The following PARD3 variants were observed in gnomAD, a reference collection of about 807,000 sequenced individuals.
PARD3 encodes par-3 family cell polarity regulator.
Under a neutral mutation model 155.4 loss-of-function variants are expected in PARD3, and 75 were observed. The observed-to-expected ratio is 0.48, with a 90% CI of 0.40 to 0.58. The LOEUF (loss-of-function observed/expected upper bound fraction) is 0.58, where lower values mean the gene tolerates loss of function less well. PARD3 is among the 20% of genes least tolerant of loss of function. The probability of loss-of-function intolerance (pLI) is 0.00; values close to 1 mark genes in which losing one functional copy is unlikely to be tolerated. For synonymous variants in PARD3, 576 were observed against 610.5 expected (o/e 0.94, Z 0.83); for missense variants, 1,642 against 1,721.7 (o/e 0.95, Z 0.82).
chr10:34,463,277 G>A (rs1442864267), intron 4 of PARD3, among the ~76,000 whole-genome samples: 10 of 121,548 alleles, frequency 8.2e-5, no homozygotes, highest in Non-Finnish European at 1.4e-4. Flanking sequence ...GGGGGAAGAG[G>A]AAGGGGAACA....
intron 2 of PARD3, among the ~76,000 whole-genome samples, chr10:34,651,975 G>C (rs763085334): frequency 8.5e-5 from 13 of 152,130 alleles, no homozygotes; most frequent in Non-Finnish European, 1.6e-4. Flanking sequence ...ATCTGTTCTT[G>C]CTTAACAAGC....
chr10:34,563,912 C>A (rs1471012759), intron 2 of PARD3, among the ~76,000 whole-genome samples: 3 of 152,136 alleles, frequency 2.0e-5, no homozygotes, highest in African/African-American at 7.2e-5. Flanking sequence ...TATATATAAT[C>A]TTTTCATAGA....
chr10:34,661,804 G>A (rs1315917911), intron 2 of PARD3, among the ~76,000 whole-genome samples: 2 of 152,208 alleles, frequency 1.3e-5, no homozygotes, highest in African/African-American at 4.8e-5. Context: ...GACAGTAAAT[G>A]AGATAAGAGG....
rs1270792576 is a variant in PARD3, at chr10:34,374,873, C to T, written c.1668+1G>A. 1 of 1,613,704 alleles carries T rather than the reference C, an allele frequency of 6.2e-7. No homozygotes were observed. Among genetic ancestry groups the T allele is most frequent in the Non-Finnish European group, 8.5e-7 (1 of 1,179,828 alleles). ...CTTTCATCTACTCTAAATTTACACA[C>T]CAGTTCCCTTGGGTGGAAGGCGTCT... On this transcript the variant is annotated splice_donor_variant, in intron 11 of 24. Transcript: ENST00000374788. LOFTEE classifies it high-confidence loss of function.
At chr10:34,777,528 T>C (rs903542599) in intron 1 of PARD3, among the ~76,000 whole-genome samples, 2 of 152,102 alleles carry the variant, frequency 1.3e-5, no homozygotes, top group African/African-American at 4.8e-5. Flanking sequence ...AGATGCTCAT[T>C]AGACATTTGG....
Position 34,814,907 on chromosome 10 carries a change from G to A in PARD3, c.89C>T (p.Ala30Val). 2.0e-6 allele frequency: 3 copies of A among 1,532,338 alleles called. No individual in the cohort carries two copies. The highest frequency in any genetic ancestry group is 1.8e-6 in the Non-Finnish European group (2 of 1,138,182). The allele number at this position is 1,532,338 out of a possible 1,614,324, so 94.9% of individuals were successfully genotyped here. Residue 30 changes from alanine to valine, a missense_variant, in exon 1 of 25, where the codon GCG (alanine) becomes GTG (valine). Ala to Val is a moderately conservative substitution (Grantham distance 64, BLOSUM62 0). Coordinates refer to ENST00000374788, the MANE Select transcript of PARD3 (RefSeq NM_001184785.2). ...HMKVFSLIQQ[A>V]VTRYRKAIAK... ...GATGGCCTTCCGGTAGCGGGTCACCGCCTGCTGGATGAGGCTGAAAACTTT... is the reference window on the plus strand; with the variant it reads ...GATGGCCTTCCGGTAGCGGGTCACCACCTGCTGGATGAGGCTGAAAACTTT...
intron 1 of PARD3, among the ~76,000 whole-genome samples, chr10:34,803,070 G>GAA (rs34342941): frequency 0.36 from 36,535 of 102,248 alleles, 6,209 homozygotes; most frequent in African/African-American, 0.5. Context: ...TACTAAAAAT[G>GAA]AAAAAAAAAA....
chr10:34,409,815 A>C lies in PARD3; in HGVS notation c.715-7898T>G, dbSNP rs547051715. 8.5e-4 allele frequency among the ~76,000 whole-genome samples: 130 copies of C among 152,362 alleles called. 1 individual carries two copies. Among genetic ancestry groups the C allele is most frequent in the Middle Eastern group, 3.4e-3 (1 of 294 alleles). On this transcript the variant is annotated intron_variant, in intron 5 of 24. Transcript: ENST00000374788. ...TGTTGCATTGTCCTTAATTCCCAGT[A>C]TATGATACAAATGTGAAACAAAAAT...
intron 2 of PARD3, among the ~76,000 whole-genome samples, chr10:34,674,916 A>T (rs562444725): frequency 6.6e-6 from 1 of 152,290 alleles, no homozygotes; most frequent in African/African-American, 2.4e-5. Flanking sequence ...GACACAGAAA[A>T]CTATAAAACA....
At chr10:34,643,636 T>C (rs1188122117) in intron 2 of PARD3, among the ~76,000 whole-genome samples, 1 of 152,210 alleles carries the variant, frequency 6.6e-6, no homozygotes, top group African/African-American at 2.4e-5. Context: ...AATAAAATTA[T>C]AGGTCAGGTG....
intron 3 of PARD3, among the ~76,000 whole-genome samples, chr10:34,483,311 G>T (rs1252877418): frequency 6.6e-6 from 1 of 151,888 alleles, no homozygotes; most frequent in East Asian, 1.9e-4. Flanking sequence ...GTGAGACCTC[G>T]TCTCTACAAA....
At chr10:34,592,636 C>T (rs1272850255) in intron 2 of PARD3, among the ~76,000 whole-genome samples, 4 of 152,002 alleles carry the variant, frequency 2.6e-5, no homozygotes, top group Admixed American at 2.0e-4. Context: ...ATTAGCCGAG[C>T]GTGGTGGCAC....
intron 2 of PARD3, among the ~76,000 whole-genome samples, chr10:34,546,932 G>GA (rs1302600751): frequency 6.6e-6 from 1 of 152,184 alleles, no homozygotes; most frequent in Non-Finnish European, 1.5e-5. Flanking sequence ...GAAATAATCT[G>GA]AAAAGACAAG....
chr10:34,478,154 A>C (rs1476452510), intron 3 of PARD3, among the ~76,000 whole-genome samples: 2 of 152,246 alleles, frequency 1.3e-5, no homozygotes, highest in African/African-American at 4.8e-5. Context: ...TCACCTTGTT[A>C]TTAAATTTTT....
intron 1 of PARD3, among the ~76,000 whole-genome samples, chr10:34,778,425 G>C (rs1839859532): frequency 6.6e-6 from 1 of 152,194 alleles, no homozygotes; most frequent in Non-Finnish European, 1.5e-5. Flanking sequence ...TAAGAACTGA[G>C]CATCATGAAT....
chr10:34,716,759 A>G (rs1363108035), intron 1 of PARD3, among the ~76,000 whole-genome samples: 2 of 151,214 alleles, frequency 1.3e-5, no homozygotes, highest in Non-Finnish European at 2.9e-5. Context: ...CCCCCGGCTA[A>G]TTTTGTATTT....
chr10:34,654,817 A>G (rs972069300), intron 2 of PARD3, among the ~76,000 whole-genome samples: 1 of 152,132 alleles, frequency 6.6e-6, no homozygotes, highest in African/African-American at 2.4e-5. Flanking sequence ...ATTCCGATCA[A>G]TGTCCAAAAC....
chr10:34,613,035 A>G (rs180848148), intron 2 of PARD3, among the ~76,000 whole-genome samples: 1 of 152,334 alleles, frequency 6.6e-6, no homozygotes, highest in Admixed American at 6.5e-5. Flanking sequence ...CCAAAGCTAC[A>G]AACAGTACAA....
At chr10:34,729,880 T>C (rs2094786791) in intron 1 of PARD3, among the ~76,000 whole-genome samples, 1 of 152,126 alleles carries the variant, frequency 6.6e-6, no homozygotes, top group Non-Finnish European at 1.5e-5. Context: ...AGATTAAATT[T>C]AAACGGATTG....
Sources: gnomAD v4.1 joint callset for allele counts (sites outside exome capture counted in the v4.1 genomes callset) on GRCh38, gnomAD v4.1.1 for gene constraint, MANE v1.5 for transcripts, NCBI Gene and HGNC (gene_info 2026-07-23, HGNC 2026-07-21) for gene names.